Variants in CASD1 observed in about 807,000 individuals in gnomAD.
CASD1 encodes the protein CAS1 domain sialic acid O acetyltransferase 1.
Under a neutral mutation model 100.0 loss-of-function variants are expected in CASD1, and 41 were observed. That is an observed-to-expected ratio of 0.41 (90% CI 0.32 to 0.53). CASD1 has a LOEUF of 0.53. CASD1 is among the 20% of genes least tolerant of loss of function. The pLI is 0.25. For synonymous variants in CASD1, 321 were observed against 315.6 expected, an observed-to-expected ratio of 1.02 and a Z score of -0.18; for missense variants, 774 against 948.7, an observed-to-expected ratio of 0.82 and a Z score of 2.42.
chr7:94,544,621 T>C, intron 11 of CASD1, 91 bp downstream of exon 11: 1 of 1,289,508 alleles, frequency 7.8e-7, no homozygotes, highest in Non-Finnish European at 1.1e-6. Context: ...ATATAGTCAT[T>C]ATAAGACTGA....
chr7:94,601,443 CAAAAAAAA>C, the CASD1 span, among the ~76,000 whole-genome samples: 670 of 89,194 alleles, frequency 7.5e-3, 1 homozygote, highest in African/African-American at 0.037. Context: ...ATCCCAGTAT[CAAAAAAAA>C]AAAAAAAAAA....
At chr7:94,536,590 A>G (rs1795133808) in intron 8 of CASD1, among the ~76,000 whole-genome samples, 1 of 152,196 alleles carries the variant, frequency 6.6e-6, no homozygotes, top group Admixed American at 6.5e-5. Flanking sequence ...AAAACTGGTT[A>G]AGAACCTTGC....
chr7:94,622,719 C>T, the CASD1 span: 1 of 151,704 alleles, frequency 6.6e-6, no homozygotes, highest in Non-Finnish European at 1.5e-5. Flanking sequence ...TCTGAGAATA[C>T]TTCCTTATCC....
rs1469433577 is a variant in CASD1 at position 94,510,185 on chromosome 7, C to G, written c.101C>G (p.Ala34Gly). The change falls in exon 1 of 18, where the codon GCA becomes GGA. Residue 34 changes from alanine to glycine, a missense_variant. By Grantham distance (60) the Ala-to-Gly change is moderately conservative. Coordinates refer to ENST00000297273, the MANE Select transcript of CASD1 (RefSeq NM_022900.5). Reference protein sequence around the residue: ...VLALVAVLLLAACHLASRRYR... With the variant: ...VLALVAVLLLGACHLASRRYR... ...GCGCTGGTGGCCGTGCTGCTGCTCG[C>G]AGCGTGCCACCTCGCCTCCCGCCGC... 1.3e-6 allele frequency: 2 copies of G among 1,512,422 alleles called. No homozygotes were observed. Among genetic ancestry groups the G allele is most frequent in the African/African-American group, 1.4e-5 (1 of 69,860 alleles). The allele number at this position is 1,512,422 out of a possible 1,614,324, so 93.7% of individuals were successfully genotyped here. A position where few individuals can be genotyped will look rare whatever the true frequency, so the allele number is the denominator to read the frequency against.
the CASD1 span, among the ~76,000 whole-genome samples, chr7:94,630,617 A>G: frequency 1.3e-5 from 2 of 151,860 alleles, no homozygotes; most frequent in African/African-American, 4.8e-5. Context: ...AAAATGACCA[A>G]TTGTTTTGAT....
At chr7:94,549,663 A>C in intron 14 of CASD1, 29 bp downstream of exon 14, 1 of 1,492,524 alleles carries the variant, frequency 6.7e-7, no homozygotes, top group Non-Finnish European at 9.2e-7. Context: ...ATATTTTGTC[A>C]TTTCAAATTA....
the CASD1 span, among the ~76,000 whole-genome samples, chr7:94,562,453 T>C: frequency 6.6e-6 from 1 of 152,148 alleles, no homozygotes; most frequent in Admixed American, 6.6e-5. Flanking sequence ...TCACTGGTTA[T>C]GTTTGAAAAT....
the CASD1 span, among the ~76,000 whole-genome samples, chr7:94,563,442 A>G: frequency 6.6e-6 from 1 of 151,980 alleles, no homozygotes. Context: ...ACCACTTTCA[A>G]TTTTTTTCTT....
chr7:94,608,019 T>C, the CASD1 span, among the ~76,000 whole-genome samples: 1 of 152,160 alleles, frequency 6.6e-6, no homozygotes, highest in Non-Finnish European at 1.5e-5. Context: ...ATCACTTTCC[T>C]ATATACCAGC....
At chr7:94,518,074 A>T in intron 2 of CASD1, 129 bp from the exon 3 acceptor site, 1 of 874,958 alleles carries the variant, frequency 1.1e-6, no homozygotes, top group Non-Finnish European at 1.7e-6. Context: ...AAACCTGGCC[A>T]CCTGCTTATA....
chr7:94,624,391 A>G, the CASD1 span: 1 of 394,194 alleles, frequency 2.5e-6, no homozygotes, highest in Non-Finnish European at 4.5e-6. Flanking sequence ...TTAGAACAGT[A>G]AGAATTTTGA....
intron 12 of CASD1, 78 bp from the exon 13 acceptor site, chr7:94,547,018 A>T: frequency 1.2e-6 from 1 of 822,764 alleles, no homozygotes; most frequent in Non-Finnish European, 1.9e-6. Context: ...CAGCATGTAC[A>T]TATATCAAAT....
chr7:94,598,788 T>A, the CASD1 span: 1 of 1,611,182 alleles, frequency 6.2e-7, no homozygotes. Flanking sequence ...TGCGTTTGCA[T>A]CAATGGCATG....
rs559921139 is a variant in CASD1, at chr7:94,530,405, CAA to C, written c.459+2156_459+2157del. ...CGTGCTTCGTTTTACAGGGAGTTGA[CAA>C]GAGATGAGGAAGCAGGTACTACATT... On this transcript the variant is annotated intron_variant, in intron 5 of 17. Coordinates refer to ENST00000297273, the MANE Select transcript of CASD1 (RefSeq NM_022900.5). Among the ~76,000 whole-genome samples, 96 of 152,218 alleles carry C rather than the reference CAA, an allele frequency of 6.3e-4. 1 individual carries two copies. The highest frequency in any genetic ancestry group is 6.8e-3 in the Middle Eastern group (2 of 294).
chr7:94,530,926 A>G (rs1794821401), intron 5 of CASD1, among the ~76,000 whole-genome samples: 1 of 152,168 alleles, frequency 6.6e-6, no homozygotes, highest in African/African-American at 2.4e-5. Context: ...GGTAGTCACC[A>G]GTGTCCCTTT....
At chr7:94,596,618 G>A in the CASD1 span, among the ~76,000 whole-genome samples, 14 of 151,998 alleles carry the variant, frequency 9.2e-5, no homozygotes, top group South Asian at 6.2e-4. Flanking sequence ...AAACCTTTAC[G>A]TTACAGTACT....
At chr7:94,539,944 T>G (rs189766961) in intron 10 of CASD1, among the ~76,000 whole-genome samples, 40 of 152,284 alleles carry the variant, frequency 2.6e-4, no homozygotes, top group African/African-American at 6.5e-4. Context: ...CTAAGTAGTA[T>G]TATCTCCTCT....
chr7:94,535,310 TC>T lies in CASD1; in HGVS notation c.632del (p.Pro211LeufsTer7). On this transcript the variant is annotated frameshift_variant and splice_region_variant, in exon 8 of 18. Coordinates refer to ENST00000297273, the MANE Select transcript of CASD1 (RefSeq NM_022900.5). LOFTEE classifies it high-confidence loss of function. The part of the protein sequence containing the change: ...TSDVYWVLQD[P>X]VYEDLLSENR... The stretch of plus-strand genomic sequence containing the variant: ...TTTAAAAATGTGTCTCACGTGCAGA[TC>T]CTGTTTATGAAGATCTATTAAGTGA... The T allele has an allele frequency of 1.2e-6, 2 of 1,608,774 alleles. No homozygotes were observed. The highest frequency in any genetic ancestry group is 1.7e-6 in the Non-Finnish European group (2 of 1,176,230).
chr7:94,518,121 C>T, intron 2 of CASD1, 82 bp from the exon 3 acceptor site: 1 of 1,343,250 alleles, frequency 7.4e-7, no homozygotes, highest in African/African-American at 1.5e-5. Flanking sequence ...TCTGGATCAA[C>T]TTTCTTCAAA....
Sources: allele counts gnomAD v4.1 joint callset (sites outside exome capture counted in the v4.1 genomes callset), GRCh38; gene constraint gnomAD v4.1.1; transcripts MANE v1.5; gene names NCBI Gene and HGNC (gene_info 2026-07-23, HGNC 2026-07-21).